GPHN: variants seen among roughly 807,000 people sequenced by gnomAD.
The protein encoded by GPHN is gephyrin.
GPHN carries 17 observed loss-of-function variants against 95.5 expected under a neutral mutation model. The ratio of observed to expected loss-of-function variants is 0.18; its 90% CI spans 0.12 to 0.27. The LOEUF is 0.27. Ranked by LOEUF, GPHN falls within the 10% of genes least tolerant of loss-of-function variation. The probability of loss-of-function intolerance (pLI) is 1.00; values close to 1 mark genes in which losing one functional copy is unlikely to be tolerated. For synonymous variants in GPHN, 320 were observed against 322.5 expected (o/e 0.99, Z 0.08); for missense variants, 660 against 978.1 (o/e 0.67, Z 4.34).
At chr14:66,887,812 T>C (rs2064277065) in intron 5 of GPHN, among the ~76,000 whole-genome samples, 4 of 152,196 alleles carry the variant, frequency 2.6e-5, no homozygotes, top group Admixed American at 2.6e-4. Flanking sequence ...TCTGGGAATT[T>C]AAAAATCATT....
At chr14:67,355,063 C>A in the GPHN span, among the ~76,000 whole-genome samples, 59 of 152,212 alleles carry the variant, frequency 3.9e-4, no homozygotes, top group East Asian at 9.5e-3. Context: ...CCGCCCACCT[C>A]GGCCTCACAA....
chr14:66,695,340 A>G (rs2068044062), intron 2 of GPHN, among the ~76,000 whole-genome samples: 2 of 152,192 alleles, frequency 1.3e-5, no homozygotes, highest in African/African-American at 2.4e-5. Flanking sequence ...ATATTACTAC[A>G]TATCTATTAG....
chr14:66,605,468 CATTT>C (rs2140885358), intron 1 of GPHN, among the ~76,000 whole-genome samples: 1 of 150,534 alleles, frequency 6.6e-6, no homozygotes, highest in Non-Finnish European at 1.5e-5. Context: ...GAACATTTTT[CATTT>C]ATTTCTTGGC....
At chr14:67,516,038 T>C in the GPHN span, among the ~76,000 whole-genome samples, 1 of 151,972 alleles carries the variant, frequency 6.6e-6, no homozygotes, top group Non-Finnish European at 1.5e-5. Flanking sequence ...TATTGGGAGG[T>C]GGAAAATAAT....
At chr14:67,317,458 T>G in the GPHN span, 1 of 1,610,484 alleles carries the variant, frequency 6.2e-7, no homozygotes, top group Non-Finnish European at 8.5e-7. Flanking sequence ...AAAGGTTTTA[T>G]ATAATGCCAA....
At chr14:67,366,460 G>A in the GPHN span, among the ~76,000 whole-genome samples, 2 of 152,268 alleles carry the variant, frequency 1.3e-5, no homozygotes, top group Non-Finnish European at 2.9e-5. Context: ...TGGCATACTT[G>A]CTTACGTACA....
At chr14:66,543,571 C>T (rs1398922669) in intron 1 of GPHN, among the ~76,000 whole-genome samples, 1 of 152,160 alleles carries the variant, frequency 6.6e-6, no homozygotes, top group Admixed American at 6.5e-5. Context: ...CTTGACATTA[C>T]TATTTGGGTG....
At chr14:66,634,619 A>G (rs1320093804) in intron 1 of GPHN, among the ~76,000 whole-genome samples, 1 of 152,094 alleles carries the variant, frequency 6.6e-6, no homozygotes, top group African/African-American at 2.4e-5. Context: ...GGGCCGGGCT[A>G]CACAGATTCT....
chr14:67,415,434 C>G, the GPHN span, among the ~76,000 whole-genome samples: 6 of 152,138 alleles, frequency 3.9e-5, no homozygotes, highest in African/African-American at 1.4e-4. Context: ...ATAAATATCT[C>G]TGTACATACA....
chr14:67,164,257 A>G (rs1256514388), intron 19 of GPHN, among the ~76,000 whole-genome samples: 9 of 145,004 alleles, frequency 6.2e-5, no homozygotes, highest in Non-Finnish European at 1.4e-4. Flanking sequence ...GACAAAGAGC[A>G]AAACTCCATC....
chr14:66,596,213 G>A (rs1157041638), intron 1 of GPHN, among the ~76,000 whole-genome samples: 1 of 152,048 alleles, frequency 6.6e-6, no homozygotes, highest in African/African-American at 2.4e-5. Flanking sequence ...GCTTCAGAGG[G>A]GAGGAAGTGC....
chr14:66,597,100 C>G (rs2062016023), intron 1 of GPHN, among the ~76,000 whole-genome samples: 1 of 152,134 alleles, frequency 6.6e-6, no homozygotes, highest in South Asian at 2.1e-4. Flanking sequence ...GAGGCCCTAT[C>G]TAAGGGTCCC....
At chr14:66,565,063 T>G (rs1409756690) in intron 1 of GPHN, among the ~76,000 whole-genome samples, 1 of 152,134 alleles carries the variant, frequency 6.6e-6, no homozygotes. Flanking sequence ...ATGCACTTCC[T>G]CCTAAAAATA....
the GPHN span, chr14:67,580,798 C>T: frequency 3.3e-6 from 2 of 602,690 alleles, no homozygotes; most frequent in Admixed American, 2.9e-5. Flanking sequence ...AAGCATGAAG[C>T]TCCGCAGGTC....
chr14:66,806,503 A>G (rs1167372596), intron 3 of GPHN, among the ~76,000 whole-genome samples: 1 of 152,058 alleles, frequency 6.6e-6, no homozygotes, highest in Admixed American at 6.6e-5. Flanking sequence ...TCAGGCTGCA[A>G]ATTTTCCAAA....
At chr14:66,977,361 G>A (rs2070323629) in intron 9 of GPHN, among the ~76,000 whole-genome samples, 1 of 152,010 alleles carries the variant, frequency 6.6e-6, no homozygotes, top group South Asian at 2.1e-4. Flanking sequence ...AACCCGGGAG[G>A]CGGAGGTTGC....
chr14:67,427,173 T>C, the GPHN span, among the ~76,000 whole-genome samples: 2 of 152,050 alleles, frequency 1.3e-5, no homozygotes, highest in Non-Finnish European at 2.9e-5. Context: ...GTGGGTGGCG[T>C]ACTCCAGTAG....
the GPHN span, among the ~76,000 whole-genome samples, chr14:67,293,943 A>G: frequency 1.3e-5 from 2 of 152,316 alleles, no homozygotes; most frequent in East Asian, 3.9e-4. Flanking sequence ...AAAAGCTGAC[A>G]CACACAATAG....
chr14:66,745,812 A>AAAT (rs542340166), intron 2 of GPHN, among the ~76,000 whole-genome samples: 1 of 151,870 alleles, frequency 6.6e-6, no homozygotes, highest in African/African-American at 2.4e-5. Context: ...TAATTTTTAA[A>AAAT]AATAATAATA....
Sources: gnomAD v4.1 joint callset for allele counts (sites outside exome capture counted in the v4.1 genomes callset) on GRCh38, gnomAD v4.1.1 for gene constraint, MANE v1.5 for transcripts, NCBI Gene and HGNC (gene_info 2026-07-23, HGNC 2026-07-21) for gene names.